KCNAB2: variants seen among roughly 807,000 people sequenced by gnomAD.
The protein encoded by KCNAB2 is voltage-gated potassium channel subunit beta-2.
In KCNAB2, 29 loss-of-function variants were observed where a neutral mutation model predicts 63.6. The observed-to-expected ratio is 0.46, with a 90% confidence interval of 0.34 to 0.62. The LOEUF (loss-of-function observed/expected upper bound fraction) is 0.62, where lower values mean the gene tolerates loss of function less well. Ranked by LOEUF, KCNAB2 falls within the 20% of genes least tolerant of loss-of-function variation. The probability of loss-of-function intolerance (pLI) is 0.01; values close to 1 mark genes in which losing one functional copy is unlikely to be tolerated. For missense variants in KCNAB2, 359 were observed against 563.9 expected (o/e 0.64, Z 3.68); for synonymous variants, 222 against 224.2 (o/e 0.99, Z 0.09).
intron 5 of KCNAB2, 97 bp downstream of exon 5, chr1:6,082,371 C>A: frequency 1.1e-6 from 1 of 916,810 alleles, no homozygotes; most frequent in Non-Finnish European, 1.8e-6. Flanking sequence ...AGAGTGCTCA[C>A]AAATGCACCT....
intron 2 of KCNAB2, among the ~76,000 whole-genome samples, chr1:6,068,922 G>A (rs1662971331): frequency 6.6e-6 from 1 of 152,164 alleles, no homozygotes; most frequent in Non-Finnish European, 1.5e-5. Context: ...CTTGCCCAAG[G>A]GCCTAAGGCG....
intron 1 of KCNAB2, among the ~76,000 whole-genome samples, chr1:6,047,603 C>G (rs992250235): frequency 6.6e-6 from 1 of 152,192 alleles, no homozygotes; most frequent in African/African-American, 2.4e-5. Context: ...AGCTGCCTGG[C>G]ACTGCCAGGA....
At chr1:6,046,503 A>G (rs1473360641) in intron 1 of KCNAB2, among the ~76,000 whole-genome samples, 14 of 152,206 alleles carry the variant, frequency 9.2e-5, no homozygotes, top group Non-Finnish European at 1.5e-5. Flanking sequence ...TCTAGCTCGT[A>G]CCTCGCTGTG....
chr1:6,099,859 G>A lies in KCNAB2; in HGVS notation c.*1285G>A, dbSNP rs748742787. On this transcript the variant is annotated 3_prime_UTR_variant, in exon 16 of 16. Transcript: ENST00000378083. ...AGAGGGCAGGACAGGCCAGAGTGAC[G>A]CCCCCGTGCAGCTTGGGCCGGAGGG... is the stretch of plus-strand genomic sequence containing the variant. 3.2e-5 allele frequency: 50 copies of A among 1,548,368 alleles called. No homozygotes were observed. The highest frequency in any genetic ancestry group is 1.7e-4 in the Middle Eastern group (1 of 5,878).
Position 6,015,030 on chromosome 1 carries a change from T to G in KCNAB2, c.-53+22242T>G, listed in dbSNP as rs1312440666. ...GGGTCACCTTCCTTTTTTTTTTTTT[T>G]TTTTTTTTTTTTGTTTTTTGAGATG... On this transcript the variant is annotated intron_variant, in intron 1 of 16. Coordinates refer to the KCNAB2 transcript ENST00000341524. Among the ~76,000 whole-genome samples, 8 of 142,310 alleles carry G rather than the reference T, an allele frequency of 5.6e-5. No individual in the cohort carries two copies. In the East Asian group the frequency reaches 6.1e-4, roughly 11 times the overall value. 93.4% of individuals were successfully genotyped at this position (142,310 alleles called of 152,430 possible).
chr1:6,017,042 A>G (rs1658546757), intron 1 of KCNAB2, among the ~76,000 whole-genome samples: 2 of 152,162 alleles, frequency 1.3e-5, no homozygotes, highest in African/African-American at 4.8e-5. Flanking sequence ...AGGAGTATGC[A>G]TGGAGACAGT....
chr1:6,080,961 G>A (rs1664157031), intron 4 of KCNAB2, among the ~76,000 whole-genome samples: 1 of 152,178 alleles, frequency 6.6e-6, no homozygotes, highest in South Asian at 2.1e-4. Context: ...CCAGTGCTCT[G>A]AGCCGCACCT....
Position 6,099,566 on chromosome 1 carries a change from C to A in KCNAB2, c.*992C>A. 1 of 521,056 alleles carries A rather than the reference C, an allele frequency of 1.9e-6. No individual in the cohort carries two copies. The highest frequency in any genetic ancestry group is 3.3e-6 in the Non-Finnish European group (1 of 305,956). 32.3% of individuals were successfully genotyped at this position (521,056 alleles called of 1,614,324 possible). ...GCACAAGGATGCACTCCTCTCGGCC[C>A]CTGTAGACTTTCTCTAAAGCCGCCC... On this transcript the variant is annotated 3_prime_UTR_variant, in exon 16 of 16. Coordinates refer to ENST00000378083, the MANE Select transcript of KCNAB2 (RefSeq NM_001199862.2).
At chr1:6,076,337 G>C (rs1663656316) in intron 4 of KCNAB2, among the ~76,000 whole-genome samples, 1 of 152,214 alleles carries the variant, frequency 6.6e-6, no homozygotes, top group Non-Finnish European at 1.5e-5. Context: ...AGCCCATGAA[G>C]GGATCAAACT....
chr1:6,023,339 T>C (rs1019916500), intron 1 of KCNAB2, among the ~76,000 whole-genome samples: 2 of 152,248 alleles, frequency 1.3e-5, no homozygotes, highest in Non-Finnish European at 2.9e-5. Flanking sequence ...CTAGATCATA[T>C]AGTAATTCGA....
chr1:6,078,201 C>T lies in KCNAB2; in HGVS notation c.301-3994C>T, dbSNP rs546966261. 3.0e-4 allele frequency among the ~76,000 whole-genome samples: 45 copies of T among 152,330 alleles called. No individual in the cohort carries two copies. The highest frequency in any genetic ancestry group is 3.4e-3 in the Middle Eastern group (1 of 294). ...AGTCTCTGCCCCTGTGGATACTCTC[C>T]GTCCTCCTCTTCTGTCAGTCAAGTC... On this transcript the variant is annotated intron_variant, in intron 4 of 15. Transcript: ENST00000378083. The surrounding 1 kb of genome is among the most constrained non-coding windows in gnomAD (Gnocchi z 4.2).
intron 1 of KCNAB2, among the ~76,000 whole-genome samples, chr1:6,011,524 G>A (rs1016763481): frequency 4.6e-5 from 7 of 152,372 alleles, no homozygotes; most frequent in Middle Eastern, 3.4e-3. Context: ...GGCAGAGGGG[G>A]TTGAAGGATG....
chr1:6,039,193 G>T lies in KCNAB2; in HGVS notation c.-52-1324G>T, dbSNP rs146649508. ...AGCCAGTAGGAGAGGAGCCGCAAGCGCAAGCATCCGCAGACAGTGTGAGCT... is the reference window on the plus strand; with the variant it reads ...AGCCAGTAGGAGAGGAGCCGCAAGCTCAAGCATCCGCAGACAGTGTGAGCT... On this transcript the variant is annotated intron_variant, in intron 1 of 15. Transcript: ENST00000164247. 3.8e-3 allele frequency among the ~76,000 whole-genome samples: 578 copies of T among 152,328 alleles called. 3 individuals carry two copies. The highest frequency in any genetic ancestry group is 0.017 in the Middle Eastern group (5 of 292).
intron 1 of KCNAB2, among the ~76,000 whole-genome samples, chr1:6,009,163 C>A (rs990050442): frequency 1.3e-5 from 2 of 152,236 alleles, no homozygotes; most frequent in African/African-American, 4.8e-5. Context: ...CTATGCAGCT[C>A]TCCAAGTCCC....
intron 2 of KCNAB2, among the ~76,000 whole-genome samples, chr1:6,057,011 G>T (rs1312242178): frequency 6.6e-6 from 1 of 151,696 alleles, no homozygotes; most frequent in Non-Finnish European, 1.5e-5. Context: ...TCTGTCCCTG[G>T]CACCCGGAAC....
Position 6,099,674 on chromosome 1 carries a change from G to A in KCNAB2, c.*1100G>A, listed in dbSNP as rs1369830962. ...TGCTTGGACCCTTTCAGTAAGGAAG[G>A]GTCTTTGGGGTTTTCTGTGCCCATG... On this transcript the variant is annotated 3_prime_UTR_variant, in exon 16 of 16. Coordinates refer to ENST00000378083, the MANE Select transcript of KCNAB2 (RefSeq NM_001199862.2). 131 of 1,280,704 alleles carry A rather than the reference G, an allele frequency of 1.0e-4. No individual in the cohort carries two copies. The highest frequency in any genetic ancestry group is 1.3e-5 in the Non-Finnish European group (12 of 959,778). 79.3% of individuals were successfully genotyped at this position (1,280,704 alleles called of 1,614,324 possible).
At position 6,024,021 on chromosome 1, in the gene KCNAB2, G is replaced by A. The variant is rs957880523; in HGVS notation, c.-52-16496G>A. On this transcript the variant is annotated intron_variant, in intron 1 of 16. Transcript: ENST00000341524. This position sits in a 1 kb window ranked among gnomAD's most constrained non-coding sequence, Gnocchi z 5.4. ...CAATGGCACAATCTAGGCTCACTGC[G>A]ACCTCCGCCTCCTGGGTTCAAGCAA... Among the ~76,000 whole-genome samples, 3 of 151,022 alleles carry A rather than the reference G, an allele frequency of 2.0e-5. No individual in the cohort carries two copies. Among genetic ancestry groups the A allele is most frequent in the Non-Finnish European group, 2.9e-5 (2 of 67,832 alleles).
At chr1:6,063,568 G>C (rs7549975) in intron 2 of KCNAB2, among the ~76,000 whole-genome samples, 15,991 of 151,758 alleles carry the variant, frequency 0.11, 2,703 homozygotes, top group African/African-American at 0.36. Context: ...TGCCACCACA[G>C]CCAGCTAATT....
intron 4 of KCNAB2, 39 bp from the exon 5 acceptor site, chr1:6,082,155 AC>A: frequency 1.3e-6 from 2 of 1,578,744 alleles, no homozygotes; most frequent in Non-Finnish European, 8.7e-7. Flanking sequence ...TCTGGGCCCC[AC>A]CCCCGGCTGG....
Sources: gnomAD v4.1 joint callset for allele counts (sites outside exome capture counted in the v4.1 genomes callset) on GRCh38, gnomAD v4.1.1 for gene constraint, Gnocchi (gnomAD v3.1) non-coding constraint, MANE v1.5 for transcripts, NCBI Gene and HGNC (gene_info 2026-07-23, HGNC 2026-07-21) for gene names.